The following SNAP47 variants were observed in gnomAD, a reference collection of about 807,000 sequenced individuals.
SNAP47 encodes synaptosomal-associated protein 47.
In SNAP47, 20 loss-of-function variants were observed where a neutral mutation model predicts 31.4. The ratio of observed to expected loss-of-function variants is 0.64; its 90% CI spans 0.45 to 0.93. SNAP47 has a LOEUF of 0.93. Ranked by LOEUF, SNAP47 falls within the 40% of genes least tolerant of loss-of-function variation. The pLI is 0.00. For missense variants in SNAP47, 492 were observed against 528.5 expected, an observed-to-expected ratio of 0.93 and a Z score of 0.68; for synonymous variants, 194 against 213.4, an observed-to-expected ratio of 0.91 and a Z score of 0.79.
intron 1 of SNAP47, among the ~76,000 whole-genome samples, chr1:227,744,632 T>G (rs1483346535): frequency 6.6e-6 from 1 of 151,654 alleles, no homozygotes; most frequent in Non-Finnish European, 1.5e-5. Flanking sequence ...TTAGGTGTTG[T>G]CTATGGCCAG....
upstream of SNAP47, chr1:227,733,790 G>C (rs1184080539): frequency 1.9e-6 from 3 of 1,583,934 alleles, no homozygotes; most frequent in African/African-American, 4.0e-5. Context: ...TTGGTCTCAA[G>C]GGATGGCACC....
intron 4 of SNAP47, among the ~76,000 whole-genome samples, chr1:227,771,110 G>A (rs1045302332): frequency 6.6e-6 from 1 of 152,156 alleles, no homozygotes; most frequent in Non-Finnish European, 1.5e-5. Flanking sequence ...TGAGTGAGGA[G>A]GGGTGGGGAG....
chr1:227,751,499 T>C (rs1172423305), intron 2 of SNAP47, among the ~76,000 whole-genome samples: 1 of 152,184 alleles, frequency 6.6e-6, no homozygotes, highest in Non-Finnish European at 1.5e-5. Flanking sequence ...GGCAGGAGGA[T>C]TGAGGTCGTC....
chr1:227,770,253 A>G (rs189393708), intron 4 of SNAP47, among the ~76,000 whole-genome samples: 1 of 152,340 alleles, frequency 6.6e-6, no homozygotes, highest in African/African-American at 2.4e-5. Context: ...ATTCAGAGTC[A>G]AAGGGTTCCC....
intron 1 of SNAP47, chr1:227,728,860 G>T (rs1481269825): frequency 1.3e-5 from 2 of 152,320 alleles, no homozygotes; most frequent in East Asian, 1.9e-4. Context: ...GCCCTGCCGC[G>T]GAGCCGAAGG....
intron 4 of SNAP47, among the ~76,000 whole-genome samples, chr1:227,774,059 C>T (rs951944463): frequency 6.6e-6 from 1 of 152,136 alleles, no homozygotes; most frequent in Non-Finnish European, 1.5e-5. Flanking sequence ...GCTGTGGATC[C>T]ATCTCTCTAG....
chr1:227,747,683 C>T lies in SNAP47; in HGVS notation c.-45-9C>T. 1 of 1,578,392 alleles carries T rather than the reference C, an allele frequency of 6.3e-7. No homozygotes were observed. The highest frequency in any genetic ancestry group is 8.6e-7 in the Non-Finnish European group (1 of 1,158,448). ...TGACGGCAGAACGTTACTGTCTCTT[C>T]TCCTTCAGAGGCAGAAGAGGCCTGG... is the stretch of plus-strand genomic sequence containing the variant. On this transcript the variant is annotated splice_polypyrimidine_tract_variant and intron_variant, in intron 1 of 4. Coordinates refer to ENST00000617596, the MANE Select transcript of SNAP47 (RefSeq NM_053052.4).
At chr1:227,770,888 T>C (rs1663760360) in intron 4 of SNAP47, 1 of 152,240 alleles carries the variant, frequency 6.6e-6, no homozygotes, top group South Asian at 2.1e-4. Context: ...AGAAGCTGCA[T>C]GGACACCATG....
chr1:227,731,521 A>G (rs1171069097), upstream of SNAP47: 1 of 152,204 alleles, frequency 6.6e-6, no homozygotes, highest in Admixed American at 6.5e-5. Context: ...TGGATCCACT[A>G]GAGGGTTCAG....
chr1:227,760,235 G>A (rs924327579), intron 3 of SNAP47, among the ~76,000 whole-genome samples: 2 of 152,168 alleles, frequency 1.3e-5, no homozygotes, highest in Non-Finnish European at 2.9e-5. Flanking sequence ...TTTTGATGTG[G>A]GAACCAGCAC....
rs968529042 is a variant in SNAP47 at position 227,762,136 on chromosome 1, C to T, written c.988+2651C>T. On this transcript the variant is annotated intron_variant, in intron 3 of 4. Transcript: ENST00000617596. The surrounding 1 kb of genome is among the most constrained non-coding windows in gnomAD (Gnocchi z 4.2). The stretch of plus-strand genomic sequence containing the variant: ...CAGCCATCTTGCCATGTGGCACACA[C>T]AGCACACAGTCCCACAGGGACCTGC... Among the ~76,000 whole-genome samples the T allele has an allele frequency of 1.3e-5, 2 of 152,254 alleles. No individual in the cohort carries two copies. The highest frequency in any genetic ancestry group is 2.4e-5 in the African/African-American group (1 of 41,462).
At chr1:227,746,552 G>A (rs902164652) in intron 1 of SNAP47, 1 of 152,250 alleles carries the variant, frequency 6.6e-6, no homozygotes, top group African/African-American at 2.4e-5. Context: ...TCTTAAGAGT[G>A]TAACTGCATG....
intron 2 of SNAP47, among the ~76,000 whole-genome samples, chr1:227,756,178 G>T (rs1158478283): frequency 1.3e-5 from 2 of 152,208 alleles, no homozygotes; most frequent in Non-Finnish European, 2.9e-5. Flanking sequence ...ATTACAGAGT[G>T]TGGCTTTTTA....
upstream of SNAP47, chr1:227,733,388 A>AG: frequency 6.4e-7 from 1 of 1,558,910 alleles, no homozygotes. Context: ...GGCCCCTGAT[A>AG]GGGGGCAGGA....
intron 3 of SNAP47, among the ~76,000 whole-genome samples, chr1:227,765,417 C>A (rs917421347): frequency 3.9e-5 from 6 of 152,218 alleles, no homozygotes; most frequent in African/African-American, 1.4e-4. Context: ...GCTGTGTCTT[C>A]CAGCCTAGCT....
At position 227,744,735 on chromosome 1, in the gene SNAP47, G is replaced by C. The variant is rs76573612; in HGVS notation, c.-45-2957G>C. Among the ~76,000 whole-genome samples the C allele has an allele frequency of 4.5e-3, 685 of 152,286 alleles. 5 individuals carry two copies. The highest frequency in any genetic ancestry group is 6.3e-3 in the Non-Finnish European group (429 of 68,030). ...ATGAAACAGGTGGATTCAAGAAAAC[G>C]GCAGGCCCTAGGCGCTCCTGCCTGC... On this transcript the variant is annotated intron_variant, in intron 1 of 4. Coordinates refer to ENST00000617596, the MANE Select transcript of SNAP47 (RefSeq NM_053052.4).
At chr1:227,733,105 A>G (rs1571962356), upstream of SNAP47, 1 of 1,511,198 alleles carries the variant, frequency 6.6e-7, no homozygotes. Flanking sequence ...TGCGCCAGGA[A>G]CCCACTGTGG....
intron 3 of SNAP47, among the ~76,000 whole-genome samples, chr1:227,761,231 T>C (rs1663038379): frequency 6.6e-6 from 1 of 152,246 alleles, no homozygotes; most frequent in Non-Finnish European, 1.5e-5. Context: ...TCCTATAACC[T>C]GTTTCTCTAA....
chr1:227,738,352 T>C (rs1443283832), intron 1 of SNAP47, among the ~76,000 whole-genome samples: 2 of 152,132 alleles, frequency 1.3e-5, no homozygotes, highest in African/African-American at 4.8e-5. Flanking sequence ...GAGATGACCG[T>C]TTTTTATTCC....
Sources: gnomAD v4.1 joint callset for allele counts (sites outside exome capture counted in the v4.1 genomes callset) on GRCh38, gnomAD v4.1.1 for gene constraint, Gnocchi (gnomAD v3.1) non-coding constraint, MANE v1.5 for transcripts, NCBI Gene and HGNC (gene_info 2026-07-23, HGNC 2026-07-21) for gene names.